ARHGEF12: variants seen among roughly 807,000 people sequenced by gnomAD.
ARHGEF12 encodes the protein Rho guanine nucleotide exchange factor 12.
Under a neutral mutation model 211.2 loss-of-function variants are expected in ARHGEF12, and 66 were observed. That is an observed-to-expected ratio of 0.31 (90% CI 0.26 to 0.38). The LOEUF is 0.38. Ranked by LOEUF, ARHGEF12 falls within the 10% of genes least tolerant of loss-of-function variation. The pLI, the probability that ARHGEF12 is intolerant of heterozygous loss-of-function variation, is 1.00. For synonymous variants in ARHGEF12, 592 were observed against 638.4 expected (o/e 0.93, Z 1.09); for missense variants, 1,429 against 1,869.5 (o/e 0.76, Z 4.34).
chr11:120,388,670 GGTA>G (rs1392594905), intron 1 of ARHGEF12, among the ~76,000 whole-genome samples: 11 of 151,918 alleles, frequency 7.2e-5, no homozygotes, highest in Non-Finnish European at 1.5e-4. Flanking sequence ...TGTGTGTGAT[GGTA>G]TCATATTGTA....
chr11:120,361,152 CTAAA>C (rs1317324816), intron 1 of ARHGEF12, among the ~76,000 whole-genome samples: 4 of 152,210 alleles, frequency 2.6e-5, no homozygotes, highest in Admixed American at 2.0e-4. Flanking sequence ...AAGAAGCCAT[CTAAA>C]GTAGTTTATA....
chr11:120,369,588 C>T (rs1435162041), intron 1 of ARHGEF12, among the ~76,000 whole-genome samples: 1 of 152,070 alleles, frequency 6.6e-6, no homozygotes, highest in Non-Finnish European at 1.5e-5. Context: ...AGATACTAAT[C>T]GGAGTAATGC....
Position 120,451,821 on chromosome 11 carries a change from C to T in ARHGEF12, c.2056+97C>T, listed in dbSNP as rs150626679. 1.0e-3 allele frequency: 1,171 copies of T among 1,117,688 alleles called. 10 individuals carry two copies. In the African/African-American group the frequency reaches 0.016, roughly 15 times the overall value. The allele number at this position is 1,117,688 out of a possible 1,614,324, so 69.2% of individuals were successfully genotyped here. On this transcript the variant is annotated intron_variant, in intron 22 of 40. Coordinates refer to ENST00000397843, the MANE Select transcript of ARHGEF12 (RefSeq NM_015313.3). Reference sequence around the variant, plus strand: ...AGTGGCAAGTTAATCAAGACTAAATCCCAGTTTAATTTAATTTTGACATTT... The same window carrying T: ...AGTGGCAAGTTAATCAAGACTAAATTCCAGTTTAATTTAATTTTGACATTT...
At chr11:120,366,255 A>T (rs993522733) in intron 1 of ARHGEF12, among the ~76,000 whole-genome samples, 1 of 152,036 alleles carries the variant, frequency 6.6e-6, no homozygotes, top group Admixed American at 6.5e-5. Flanking sequence ...ACCCTGTCTC[A>T]AAAAAATAAA....
intron 1 of ARHGEF12, among the ~76,000 whole-genome samples, chr11:120,371,166 C>T (rs1943578636): frequency 6.6e-6 from 1 of 152,180 alleles, no homozygotes; most frequent in Non-Finnish European, 1.5e-5. Context: ...CCAATTTCCC[C>T]CAACTAAAAG....
Position 120,429,822 on chromosome 11 carries a change from C to T in ARHGEF12, c.774C>T (p.Gly258=). ...AAGAGCAGTTATCCAAAGCCACAGG[C>T]TCTGCTCAGGTAGCATCACTATTAC... ...QLQEQLSKAT[G]SAQDGAVVTP... is the part of the protein sequence containing the mutation. The change falls in exon 10 of 41, where the codon GGC becomes GGT. Residue 258 remains glycine, a synonymous_variant. Transcript: ENST00000397843. The T allele has an allele frequency of 6.2e-7, 1 of 1,613,138 alleles. No homozygotes were observed. Among genetic ancestry groups the T allele is most frequent in the African/African-American group, 1.3e-5 (1 of 75,004 alleles).
intron 30 of ARHGEF12, 100 bp from the exon 31 acceptor site, chr11:120,472,950 T>C: frequency 8.7e-7 from 1 of 1,147,770 alleles, no homozygotes; most frequent in Non-Finnish European, 1.3e-6. Flanking sequence ...CCACCACGCC[T>C]GGCCAAAATG....
At chr11:120,383,045 A>T (rs1432684528) in intron 1 of ARHGEF12, among the ~76,000 whole-genome samples, 1 of 152,282 alleles carries the variant, frequency 6.6e-6, no homozygotes, top group East Asian at 1.9e-4. Flanking sequence ...AGGCTGAGGC[A>T]GGGGAATGGC....
intron 8 of ARHGEF12, 48 bp downstream of exon 8, chr11:120,428,295 GTGT>G: frequency 2.1e-6 from 3 of 1,424,448 alleles, no homozygotes; most frequent in Non-Finnish European, 2.8e-6. Context: ...TTATAAGGAT[GTGT>G]TTACTTTATA....
At chr11:120,452,030 A>G in intron 22 of ARHGEF12, among the ~76,000 whole-genome samples, 1 of 152,188 alleles carries the variant, frequency 6.6e-6, no homozygotes, top group African/African-American at 2.4e-5. Flanking sequence ...TCACAAATGT[A>G]AAAAATGCAA....
At chr11:120,473,242 G>C (rs933350807) in intron 31 of ARHGEF12, 115 bp downstream of exon 31, 10 of 893,392 alleles carry the variant, frequency 1.1e-5, no homozygotes, top group Non-Finnish European at 1.5e-5. Flanking sequence ...TTGTATCGTA[G>C]ATTATCTGTA....
chr11:120,429,069 G>C (rs558964826), intron 8 of ARHGEF12, among the ~76,000 whole-genome samples: 268 of 152,268 alleles, frequency 1.8e-3, no homozygotes, highest in Non-Finnish European at 3.2e-3. Flanking sequence ...GAATTAGGGA[G>C]CTGTCTTCAT....
Position 120,451,514 on chromosome 11 carries a change from G to C in ARHGEF12, c.1846G>C (p.Gly616Arg). 6.2e-7 allele frequency: 1 copy of C among 1,613,926 alleles called. No individual in the cohort carries two copies. Among genetic ancestry groups the C allele is most frequent in the Non-Finnish European group, 8.5e-7 (1 of 1,179,968 alleles). Residue 616 changes from glycine (G) to arginine (R), a missense_variant and splice_region_variant, in exon 22 of 41, where the codon GGC becomes CGC. By Grantham distance (125) the Gly-to-Arg change is moderately radical (BLOSUM62 -2). Around this residue, in one of 7 missense-constraint regions of ARHGEF12, gnomAD observed 373 missense variants for 467.5 expected, o/e 0.80. Transcript: ENST00000397843. ...RPSRHDNSAI[G>R]RAMELQKARH... ...ATTAACCATCATTTTCTGATCAGTT[G>C]GCAGAGCCATGGAACTACAGAAGGC...
chr11:120,468,765 T>G (rs985054820), intron 29 of ARHGEF12, among the ~76,000 whole-genome samples: 12 of 152,362 alleles, frequency 7.9e-5, no homozygotes, highest in African/African-American at 2.9e-4. Flanking sequence ...CAATACGTTT[T>G]GATGAATTTC....
chr11:120,449,362 AT>A, intron 21 of ARHGEF12, 148 bp downstream of exon 21: 1 of 639,168 alleles, frequency 1.6e-6, no homozygotes, highest in Non-Finnish European at 2.7e-6. Flanking sequence ...ATTCAGCGTT[AT>A]TTCTGAACTA....
At chr11:120,393,197 A>T (rs1285271975) in intron 1 of ARHGEF12, among the ~76,000 whole-genome samples, 2 of 152,236 alleles carry the variant, frequency 1.3e-5, no homozygotes, top group African/African-American at 4.8e-5. Flanking sequence ...ATAATTTAAA[A>T]TCTAGTGAGA....
chr11:120,396,791 G>A (rs1163747231), intron 1 of ARHGEF12, among the ~76,000 whole-genome samples: 1 of 152,134 alleles, frequency 6.6e-6, no homozygotes, highest in Admixed American at 6.5e-5. Flanking sequence ...CCATAAACAT[G>A]GGCAGTGACC....
At chr11:120,364,024 G>A (rs1384991023) in intron 1 of ARHGEF12, among the ~76,000 whole-genome samples, 1 of 152,132 alleles carries the variant, frequency 6.6e-6, no homozygotes, top group East Asian at 1.9e-4. Flanking sequence ...ATGTACTGCA[G>A]CCTTGAAGTC....
intron 33 of ARHGEF12, 102 bp downstream of exon 33, chr11:120,475,609 A>G: frequency 2.4e-6 from 3 of 1,225,498 alleles, no homozygotes; most frequent in South Asian, 1.7e-5. Context: ...GAGTCTTGCT[A>G]TTTTTATATT....
Sources: allele counts gnomAD v4.1 joint callset (sites outside exome capture counted in the v4.1 genomes callset), GRCh38; gene constraint gnomAD v4.1.1; regional missense constraint gnomAD v4.1.1; transcripts MANE v1.5; gene names NCBI Gene and HGNC (gene_info 2026-07-23, HGNC 2026-07-21).